LDLRAD3: variants seen among roughly 807,000 people sequenced by gnomAD.
LDLRAD3 encodes low-density lipoprotein receptor class A domain-containing protein 3.
LDLRAD3 carries 20 observed loss-of-function variants against 29.4 expected under a neutral mutation model. That is an observed-to-expected ratio of 0.68 (90% CI 0.48 to 0.99). The LOEUF (loss-of-function observed/expected upper bound fraction) is 0.99, where lower values mean the gene tolerates loss of function less well. Among genes scored for constraint, LDLRAD3 ranks in the 50% least tolerant of loss-of-function variants. The pLI is 0.00. For synonymous variants in LDLRAD3, 157 were observed against 192.7 expected (o/e 0.81, Z 1.53); for missense variants, 420 against 454.3 (o/e 0.92, Z 0.69).
intron 4 of LDLRAD3, among the ~76,000 whole-genome samples, chr11:36,153,519 G>A (rs1312204475): frequency 1.3e-5 from 2 of 152,088 alleles, no homozygotes; most frequent in Non-Finnish European, 2.9e-5. Flanking sequence ...AGGACATTGA[G>A]GCTTGTCTCT....
At chr11:35,955,181 G>A (rs372801765) in intron 1 of LDLRAD3, among the ~76,000 whole-genome samples, 4 of 152,314 alleles carry the variant, frequency 2.6e-5, no homozygotes, top group South Asian at 4.1e-4. Context: ...GGAGGTGGAG[G>A]TTGTAATGAG....
At chr11:36,211,688 T>C (rs1378827483) in intron 4 of LDLRAD3, among the ~76,000 whole-genome samples, 2 of 152,164 alleles carry the variant, frequency 1.3e-5, no homozygotes, top group Non-Finnish European at 2.9e-5. Context: ...GGATTGTAAT[T>C]GCTATTTAAT....
At chr11:36,005,972 C>G (rs965220675) in intron 1 of LDLRAD3, among the ~76,000 whole-genome samples, 2 of 152,160 alleles carry the variant, frequency 1.3e-5, no homozygotes, top group Non-Finnish European at 2.9e-5. Flanking sequence ...ATTCAGTCAC[C>G]TCCTACTAGG....
chr11:36,017,904 T>C (rs1378518597), intron 1 of LDLRAD3, among the ~76,000 whole-genome samples: 1 of 152,256 alleles, frequency 6.6e-6, no homozygotes, highest in East Asian at 1.9e-4. Flanking sequence ...TTGAAAGCTC[T>C]GTTCTACTGT....
chr11:36,181,228 G>T (rs1854757474), intron 4 of LDLRAD3, among the ~76,000 whole-genome samples: 1 of 58,224 alleles, frequency 1.7e-5, no homozygotes, highest in Non-Finnish European at 3.7e-5. Flanking sequence ...ACCTACACAT[G>T]GTAAAAAAAA....
intron 1 of LDLRAD3, among the ~76,000 whole-genome samples, chr11:35,986,873 G>T (rs760112230): frequency 4.6e-5 from 7 of 152,200 alleles, no homozygotes; most frequent in Non-Finnish European, 1.0e-4. Flanking sequence ...CTGAGTAAAA[G>T]CTCAGGCATG....
chr11:36,072,316 C>A (rs1295992898), intron 2 of LDLRAD3, among the ~76,000 whole-genome samples: 1 of 152,208 alleles, frequency 6.6e-6, no homozygotes, highest in Non-Finnish European at 1.5e-5. Flanking sequence ...CACATTGCAG[C>A]CTCTGTCCAG....
intron 4 of LDLRAD3, among the ~76,000 whole-genome samples, chr11:36,141,235 A>T (rs10836506): frequency 6.6e-6 from 1 of 151,950 alleles, no homozygotes; most frequent in Admixed American, 6.5e-5. Context: ...TCACCTATCG[A>T]GTTTTTCTTT....
chr11:36,123,891 A>G (rs1230347043), intron 4 of LDLRAD3, among the ~76,000 whole-genome samples: 1 of 152,234 alleles, frequency 6.6e-6, no homozygotes, highest in Non-Finnish European at 1.5e-5. Flanking sequence ...CCTCCGCCTC[A>G]TTATTTACAT....
intron 4 of LDLRAD3, among the ~76,000 whole-genome samples, chr11:36,145,889 GC>G (rs1854184869): frequency 1.3e-5 from 2 of 151,698 alleles, no homozygotes; most frequent in Admixed American, 1.3e-4. Context: ...AGGGTCCTCT[GC>G]CTAGGAAAAC....
intron 1 of LDLRAD3, among the ~76,000 whole-genome samples, chr11:35,949,777 T>C (rs1296940135): frequency 6.6e-6 from 1 of 152,184 alleles, no homozygotes; most frequent in East Asian, 1.9e-4. Flanking sequence ...ATAACTTATC[T>C]GCAGCTGTCT....
At chr11:36,202,026 G>A (rs1157056825) in intron 4 of LDLRAD3, among the ~76,000 whole-genome samples, 2 of 148,644 alleles carry the variant, frequency 1.3e-5, no homozygotes, top group Non-Finnish European at 3.0e-5. Flanking sequence ...CCCCTCCTTG[G>A]GTACTTCCTG....
intron 1 of LDLRAD3, among the ~76,000 whole-genome samples, chr11:35,964,047 C>T (rs997834689): frequency 6.6e-6 from 1 of 152,020 alleles, no homozygotes; most frequent in Non-Finnish European, 1.5e-5. Flanking sequence ...GATGGAATTC[C>T]AGGATGGCGT....
intron 3 of LDLRAD3, among the ~76,000 whole-genome samples, chr11:36,092,155 G>A (rs1237735278): frequency 1.3e-5 from 2 of 152,182 alleles, no homozygotes; most frequent in East Asian, 1.9e-4. Context: ...ACCTTTTTTG[G>A]TAGTAGCACA....
At chr11:36,072,449 G>A (rs1399088412) in intron 2 of LDLRAD3, among the ~76,000 whole-genome samples, 1 of 152,210 alleles carries the variant, frequency 6.6e-6, no homozygotes, top group Non-Finnish European at 1.5e-5. Context: ...CAGACAGATT[G>A]GGAGCTACAG....
chr11:36,024,841 TA>T (rs1852143308), intron 1 of LDLRAD3, among the ~76,000 whole-genome samples: 1 of 152,228 alleles, frequency 6.6e-6, no homozygotes. Context: ...TGGACTATTC[TA>T]AGGAAGACAG....
intron 4 of LDLRAD3, among the ~76,000 whole-genome samples, chr11:36,100,533 G>A (rs1052893487): frequency 3.9e-5 from 6 of 152,124 alleles, no homozygotes; most frequent in Admixed American, 1.3e-4. Context: ...TCTGCCTCCC[G>A]GGTTCAAGCG....
At chr11:35,985,211 A>T (rs1246198786) in intron 1 of LDLRAD3, among the ~76,000 whole-genome samples, 1 of 152,188 alleles carries the variant, frequency 6.6e-6, no homozygotes, top group Non-Finnish European at 1.5e-5. Context: ...GATTATGGGC[A>T]TCAGCCAACA....
At chr11:35,961,939 G>A (rs1049672645) in intron 1 of LDLRAD3, among the ~76,000 whole-genome samples, 3 of 151,996 alleles carry the variant, frequency 2.0e-5, no homozygotes, top group Non-Finnish European at 4.4e-5. Context: ...GTACAATGAG[G>A]ATATTTTAAG....
Sources: gnomAD v4.1 joint callset for allele counts (sites outside exome capture counted in the v4.1 genomes callset) on GRCh38, gnomAD v4.1.1 for gene constraint, MANE v1.5 for transcripts, NCBI Gene and HGNC (gene_info 2026-07-23, HGNC 2026-07-21) for gene names.